Variants in RBFOX1 observed in about 807,000 individuals in gnomAD.
RBFOX1 encodes the protein RNA binding fox-1 homolog 1.
Under a neutral mutation model 57.7 loss-of-function variants are expected in RBFOX1, and 8 were observed. The ratio of observed to expected loss-of-function variants is 0.14; its 90% CI spans 0.08 to 0.25. The LOEUF is 0.25. RBFOX1 is among the 10% of genes least tolerant of loss of function. The pLI, the probability that RBFOX1 is intolerant of heterozygous loss-of-function variation, is 1.00. For synonymous variants in RBFOX1, 326 were observed against 222.4 expected (o/e 1.47, Z -4.15); for missense variants, 611 against 548.5 (o/e 1.11, Z -1.14).
intron 1 of RBFOX1, among the ~76,000 whole-genome samples, chr16:6,242,630 ACACACAC>A (rs1567756278): frequency 0.16 from 5,531 of 35,024 alleles, 131 homozygotes; most frequent in Middle Eastern, 0.27. Flanking sequence ...TTTATTGCAA[ACACACAC>A]ACACACACAC....
intron 2 of RBFOX1, among the ~76,000 whole-genome samples, chr16:5,598,095 G>C (rs1361694512): frequency 6.6e-6 from 1 of 151,984 alleles, no homozygotes; most frequent in Non-Finnish European, 1.5e-5. Context: ...TCAGGAGTTC[G>C]AGACCAGCCT....
chr16:6,865,644 T>A (rs1192651312), intron 3 of RBFOX1, among the ~76,000 whole-genome samples: 1 of 152,258 alleles, frequency 6.6e-6, no homozygotes, highest in Non-Finnish European at 1.5e-5. Context: ...GTATTCTTCA[T>A]GACGTGTGAT....
chr16:6,445,234 T>TTA (rs1555477178), intron 2 of RBFOX1, among the ~76,000 whole-genome samples: 5 of 152,106 alleles, frequency 3.3e-5, no homozygotes, highest in Admixed American at 6.5e-5. Context: ...TTCCTTTTTT[T>TTA]TATATATATA....
chr16:6,513,730 G>A (rs568056875), intron 2 of RBFOX1, among the ~76,000 whole-genome samples: 27 of 151,724 alleles, frequency 1.8e-4, no homozygotes, highest in East Asian at 5.8e-4. Flanking sequence ...GTGAGACTTC[G>A]TCTCAAAAAC....
At position 7,276,556 on chromosome 16, in the gene RBFOX1, T is replaced by G. The variant is rs187517320; in HGVS notation, c.27+224458T>G. 4.9e-4 allele frequency among the ~76,000 whole-genome samples: 75 copies of G among 152,026 alleles called. 1 individual carries two copies. In the East Asian group the frequency reaches 0.014, roughly 28 times the overall value. On this transcript the variant is annotated intron_variant, in intron 4 of 15. Transcript: ENST00000550418. ...TAGGAGGCTTCTATCCTTGACTGAT[T>G]TTTTTTTAAATTTTTCTGCCTCCTA...
intron 1 of RBFOX1, among the ~76,000 whole-genome samples, chr16:6,142,177 TTGC>T (rs373445407): frequency 0.041 from 5,101 of 123,048 alleles, 246 homozygotes; most frequent in African/African-American, 0.076. Context: ...GAGATCCTTG[TTGC>T]TGCTGCTGCA....
chr16:6,983,065 A>G (rs1054174366), intron 3 of RBFOX1, among the ~76,000 whole-genome samples: 2 of 151,386 alleles, frequency 1.3e-5, no homozygotes, highest in African/African-American at 4.9e-5. Flanking sequence ...GTTATCTAAC[A>G]TCACATTACT....
chr16:6,109,702 T>C (rs2096421908), intron 1 of RBFOX1, among the ~76,000 whole-genome samples: 2 of 152,180 alleles, frequency 1.3e-5, no homozygotes, highest in Admixed American at 1.3e-4. Flanking sequence ...GATAAAAAAT[T>C]ACTTGACTGG....
At chr16:5,404,108 CA>C (rs2066795741) in intron 1 of RBFOX1, among the ~76,000 whole-genome samples, 6 of 146,438 alleles carry the variant, frequency 4.1e-5, no homozygotes, top group Admixed American at 2.7e-4. Flanking sequence ...AGGGAGATGA[CA>C]AAGGAGATGG....
At chr16:5,700,362 T>C (rs1212774066) in intron 3 of RBFOX1, among the ~76,000 whole-genome samples, 3 of 152,190 alleles carry the variant, frequency 2.0e-5, no homozygotes, top group Admixed American at 2.0e-4. Context: ...AATATCTTTG[T>C]ATTGCCTTCT....
intron 1 of RBFOX1, among the ~76,000 whole-genome samples, chr16:6,229,904 T>C (rs1353023235): frequency 1.3e-5 from 2 of 152,074 alleles, no homozygotes; most frequent in Non-Finnish European, 2.9e-5. Context: ...AGAATATTAT[T>C]TGTCCTCGCG....
intron 1 of RBFOX1, among the ~76,000 whole-genome samples, chr16:5,259,695 A>C (rs2062684367): frequency 6.6e-6 from 1 of 152,130 alleles, no homozygotes; most frequent in Non-Finnish European, 1.5e-5. Flanking sequence ...AGTTAATGTG[A>C]TTTATTCTAG....
chr16:5,339,353 T>C (rs13334638), intron 1 of RBFOX1, among the ~76,000 whole-genome samples: 20,681 of 152,068 alleles, frequency 0.14, 3,799 homozygotes, highest in African/African-American at 0.42. Flanking sequence ...AGTGGGTTTC[T>C]GTCACTTTCA....
chr16:6,866,651 C>T (rs1258552923), intron 3 of RBFOX1, among the ~76,000 whole-genome samples: 4 of 149,552 alleles, frequency 2.7e-5, no homozygotes, highest in Non-Finnish European at 5.9e-5. Context: ...ACGCCATTCT[C>T]CTGCCTCAGC....
At chr16:7,525,887 G>C (rs1032818598) in intron 5 of RBFOX1, among the ~76,000 whole-genome samples, 4 of 152,136 alleles carry the variant, frequency 2.6e-5, no homozygotes, top group Admixed American at 6.5e-5. Flanking sequence ...CCCACATCTT[G>C]TCTGCCTGAT....
chr16:7,510,302 T>C (rs563980699), intron 4 of RBFOX1: 97 of 985,868 alleles, frequency 9.8e-5, no homozygotes, highest in Admixed American at 1.8e-4. Context: ...GGAAGCAGGA[T>C]GGTGCAGCAG....
At chr16:6,785,750 T>C (rs184462828) in intron 3 of RBFOX1, among the ~76,000 whole-genome samples, 1 of 152,240 alleles carries the variant, frequency 6.6e-6, no homozygotes, top group Non-Finnish European at 1.5e-5. Flanking sequence ...TCCACTATTG[T>C]TATCATCATT....
intron 3 of RBFOX1, among the ~76,000 whole-genome samples, chr16:5,845,338 C>G (rs1032221461): frequency 6.6e-5 from 10 of 152,202 alleles, no homozygotes; most frequent in Non-Finnish European, 1.3e-4. Context: ...TGGGAATATT[C>G]CTCTCCAGCC....
chr16:5,593,092 A>G (rs2047063329), intron 2 of RBFOX1, among the ~76,000 whole-genome samples: 1 of 152,182 alleles, frequency 6.6e-6, no homozygotes, highest in East Asian at 1.9e-4. Flanking sequence ...GAACCAACCC[A>G]AATATCCATC....
Sources: gnomAD v4.1 joint callset for allele counts (sites outside exome capture counted in the v4.1 genomes callset) on GRCh38, gnomAD v4.1.1 for gene constraint, MANE v1.5 for transcripts, NCBI Gene and HGNC (gene_info 2026-07-23, HGNC 2026-07-21) for gene names.